The following SLC35F4 variants were observed in gnomAD, a reference collection of about 807,000 sequenced individuals.
SLC35F4 encodes the protein solute carrier family 35 member F4, also known as chromosome 14 open reading frame 36.
Under a neutral mutation model 44.2 loss-of-function variants are expected in SLC35F4, and 24 were observed. The observed-to-expected ratio is 0.54, with a 90% CI of 0.39 to 0.76. The LOEUF is 0.76. Among genes scored for constraint, SLC35F4 ranks in the 30% least tolerant of loss-of-function variants. SLC35F4 has a pLI of 0.00. For synonymous variants in SLC35F4, 238 were observed against 223.6 expected (o/e 1.06, Z -0.57); for missense variants, 562 against 586.1 (o/e 0.96, Z 0.42).
intron 1 of SLC35F4, among the ~76,000 whole-genome samples, chr14:57,756,466 T>G (rs1009366787): frequency 6.6e-6 from 1 of 152,160 alleles, no homozygotes; most frequent in East Asian, 1.9e-4. Flanking sequence ...TTAAATCTTT[T>G]AACATTTCAG....
At chr14:57,825,015 T>G (rs11158180) in intron 1 of SLC35F4, among the ~76,000 whole-genome samples, 5,533 of 151,734 alleles carry the variant, frequency 0.036, 218 homozygotes, top group African/African-American at 0.1. Context: ...ATTTCAGGGG[T>G]AAAAAAAGAC....
chr14:57,762,771 C>T (rs1813697524), intron 1 of SLC35F4, among the ~76,000 whole-genome samples: 1 of 152,066 alleles, frequency 6.6e-6, no homozygotes, highest in African/African-American at 2.4e-5. Flanking sequence ...ATGCCTTCTA[C>T]CATATTATGA....
At chr14:57,864,301 T>C (rs1386874716) in intron 1 of SLC35F4, among the ~76,000 whole-genome samples, 2 of 152,218 alleles carry the variant, frequency 1.3e-5, no homozygotes, top group Non-Finnish European at 2.9e-5. Flanking sequence ...TTTTTGAGTG[T>C]ATAGTACTTC....
At chr14:57,908,013 A>G (rs918767305) in intron 1 of SLC35F4, among the ~76,000 whole-genome samples, 1 of 151,916 alleles carries the variant, frequency 6.6e-6, no homozygotes, top group Non-Finnish European at 1.5e-5. Context: ...TCATTGTTCA[A>G]CTTCCACTTG....
intron 1 of SLC35F4, among the ~76,000 whole-genome samples, chr14:57,808,294 A>C (rs910584050): frequency 3.3e-5 from 5 of 151,952 alleles, no homozygotes; most frequent in African/African-American, 1.2e-4. Flanking sequence ...TCAGACAGCA[A>C]CTGGAATCCG....
chr14:57,659,923 A>C (rs892736041), intron 1 of SLC35F4, among the ~76,000 whole-genome samples: 1 of 152,200 alleles, frequency 6.6e-6, no homozygotes, highest in African/African-American at 2.4e-5. Flanking sequence ...CCTGCCAAAG[A>C]AGCATGAAGT....
chr14:57,972,568 C>T (rs1881085946), downstream of SLC35F4, among the ~76,000 whole-genome samples: 1 of 151,934 alleles, frequency 6.6e-6, no homozygotes, highest in Non-Finnish European at 1.5e-5. Context: ...CTTAACATTT[C>T]ATTTTATAGA....
intron 1 of SLC35F4, among the ~76,000 whole-genome samples, chr14:57,876,042 T>C (rs1789765081): frequency 6.6e-6 from 1 of 152,178 alleles, no homozygotes; most frequent in South Asian, 2.1e-4. Flanking sequence ...AAAGGTTACC[T>C]GCAACAACGA....
intron 1 of SLC35F4, among the ~76,000 whole-genome samples, chr14:57,629,189 G>A (rs749750459): frequency 6.6e-6 from 1 of 152,122 alleles, no homozygotes; most frequent in Non-Finnish European, 1.5e-5. Flanking sequence ...GCTATGGCTA[G>A]TGTCTAGCTG....
intron 1 of SLC35F4, among the ~76,000 whole-genome samples, chr14:57,834,067 A>G (rs1048160354): frequency 6.6e-6 from 1 of 152,240 alleles, no homozygotes; most frequent in African/African-American, 2.4e-5. Context: ...AATTAAAATA[A>G]TAACAAAGGC....
At chr14:57,652,714 T>C (rs910918360) in intron 1 of SLC35F4, among the ~76,000 whole-genome samples, 3 of 149,352 alleles carry the variant, frequency 2.0e-5, no homozygotes, top group Non-Finnish European at 4.5e-5. Context: ...TCTAACAGGA[T>C]AGTAACCCCC....
At chr14:57,836,620 T>A (rs1458444272) in intron 1 of SLC35F4, among the ~76,000 whole-genome samples, 1 of 152,150 alleles carries the variant, frequency 6.6e-6, no homozygotes, top group East Asian at 1.9e-4. Context: ...AACATTTCCT[T>A]ATGAAAACTT....
At chr14:57,881,751 TCTC>T (rs1888538517) in intron 1 of SLC35F4, among the ~76,000 whole-genome samples, 1 of 152,134 alleles carries the variant, frequency 6.6e-6, no homozygotes, top group South Asian at 2.1e-4. Context: ...ACTAATCTGA[TCTC>T]CTTCTTGAAC....
At chr14:57,586,957 G>GA (rs112187099) in intron 3 of SLC35F4, among the ~76,000 whole-genome samples, 57,177 of 144,574 alleles carry the variant, frequency 0.4, 11,548 homozygotes, top group East Asian at 0.45. Flanking sequence ...AAATTTACAA[G>GA]AAAAAAAAAC....
chr14:57,951,080 T>C (rs1890131539), intron 1 of SLC35F4, among the ~76,000 whole-genome samples: 1 of 152,172 alleles, frequency 6.6e-6, no homozygotes, highest in Non-Finnish European at 1.5e-5. Context: ...GAGGGTGATT[T>C]CTGCATTTCC....
At chr14:57,862,219 C>T (rs1887742667) in intron 1 of SLC35F4, among the ~76,000 whole-genome samples, 1 of 152,126 alleles carries the variant, frequency 6.6e-6, no homozygotes, top group South Asian at 2.1e-4. Context: ...TCAGGGTACC[C>T]TATTGGCTCT....
intron 1 of SLC35F4, among the ~76,000 whole-genome samples, chr14:57,959,106 C>G (rs1409873334): frequency 6.6e-6 from 1 of 152,128 alleles, no homozygotes; most frequent in Non-Finnish European, 1.5e-5. Context: ...ATCTATTGAC[C>G]ACTTACTGCA....
chr14:57,906,048 C>T (rs2141048163), intron 1 of SLC35F4, among the ~76,000 whole-genome samples: 1 of 152,302 alleles, frequency 6.6e-6, no homozygotes, highest in South Asian at 2.1e-4. Flanking sequence ...GGAACCAGAA[C>T]ACACGTCTAG....
At chr14:57,969,180 C>T (rs1014234991) in intron 1 of SLC35F4, among the ~76,000 whole-genome samples, 1 of 152,116 alleles carries the variant, frequency 6.6e-6, no homozygotes, top group Non-Finnish European at 1.5e-5. Context: ...CTGGTCCAGT[C>T]CATCAAACAT....
Sources: gnomAD v4.1 joint callset for allele counts (sites outside exome capture counted in the v4.1 genomes callset) on GRCh38, gnomAD v4.1.1 for gene constraint, MANE v1.5 for transcripts, NCBI Gene and HGNC (gene_info 2026-07-23, HGNC 2026-07-21) for gene names.